Variants in YEATS2 observed in about 807,000 individuals in gnomAD.
The protein encoded by YEATS2 is YEATS domain containing 2, also known as YEATS domain-containing protein 2.
A neutral mutation model predicts 163.2 loss-of-function variants in YEATS2; 77 were observed. The observed-to-expected ratio is 0.47, with a 90% CI of 0.39 to 0.57. The LOEUF is 0.57. YEATS2 is among the 20% of genes least tolerant of loss of function. The pLI is 0.00. For missense variants in YEATS2, 1,549 were observed against 1,729.8 expected (o/e 0.90, Z 1.85); for synonymous variants, 631 against 645.1 (o/e 0.98, Z 0.33).
Position 183,754,156 on chromosome 3 carries a change from A to T in YEATS2, c.1181A>T (p.His394Leu). The change falls in exon 11 of 31, where the codon CAC (histidine) becomes CTC (leucine). Residue 394 changes from histidine to leucine, a missense_variant. His to Leu is a moderately conservative substitution (Grantham distance 99, BLOSUM62 -3). Transcript: ENST00000305135. ...CCAGCTAGCACTGAAGCTGAACGACACACTCCGTTTTATGCTTTGCCATCT... is the reference window on the plus strand; with the variant it reads ...CCAGCTAGCACTGAAGCTGAACGACTCACTCCGTTTTATGCTTTGCCATCT... ...GFPASTEAERHTPFYALPSSL... is the reference protein window; with the variant it reads ...GFPASTEAERLTPFYALPSSL... 6.2e-7 allele frequency: 1 copy of T among 1,601,176 alleles called. No homozygotes were observed. The highest frequency in any genetic ancestry group is 8.5e-7 in the Non-Finnish European group (1 of 1,169,812).
intron 6 of YEATS2, among the ~76,000 whole-genome samples, chr3:183,724,889 A>G (rs1167424060): frequency 1.3e-5 from 2 of 152,034 alleles, no homozygotes; most frequent in African/African-American, 4.8e-5. Context: ...GATTGCAGGC[A>G]TATGCCACCA....
chr3:183,797,250 C>A (rs1214352869), intron 21 of YEATS2, among the ~76,000 whole-genome samples: 1 of 126,170 alleles, frequency 7.9e-6, no homozygotes, highest in Non-Finnish European at 1.6e-5. Flanking sequence ...GCCTGGGTGA[C>A]AGAGCGAGAT....
At chr3:183,710,053 G>A (rs989823513) in intron 1 of YEATS2, among the ~76,000 whole-genome samples, 2 of 152,126 alleles carry the variant, frequency 1.3e-5, no homozygotes, top group African/African-American at 2.4e-5. Context: ...ATTTATTTCC[G>A]TATTCAGTTT....
chr3:183,702,689 A>T (rs1189229185), intron 1 of YEATS2, among the ~76,000 whole-genome samples: 1 of 151,450 alleles, frequency 6.6e-6, no homozygotes, highest in Non-Finnish European at 1.5e-5. Flanking sequence ...ATACAAAAAA[A>T]TTAGACGTGG....
chr3:183,774,765 A>AGT (rs1722802192), intron 17 of YEATS2, among the ~76,000 whole-genome samples: 1 of 152,234 alleles, frequency 6.6e-6, no homozygotes, highest in African/African-American at 2.4e-5. Flanking sequence ...GCCAAAATGC[A>AGT]GTGTGTCAGC....
intron 20 of YEATS2, among the ~76,000 whole-genome samples, chr3:183,786,858 A>G (rs1724115451): frequency 6.6e-6 from 1 of 152,218 alleles, no homozygotes; most frequent in African/African-American, 2.4e-5. Context: ...GTTGTGAATA[A>G]TGCTGCAGTG....
intron 9 of YEATS2, among the ~76,000 whole-genome samples, chr3:183,750,988 T>TG (rs1720102915): frequency 6.6e-6 from 1 of 152,236 alleles, no homozygotes; most frequent in African/African-American, 2.4e-5. Context: ...TTTTGTTGCC[T>TG]GTGCTTTTGG....
intron 13 of YEATS2, among the ~76,000 whole-genome samples, chr3:183,760,400 C>T (rs1404944604): frequency 4.2e-5 from 6 of 143,472 alleles, no homozygotes; most frequent in Non-Finnish European, 9.0e-5. Context: ...TGGCTCACTG[C>T]AACCTCCTGC....
At chr3:183,775,507 A>C (rs1340216438) in intron 17 of YEATS2, among the ~76,000 whole-genome samples, 1 of 152,208 alleles carries the variant, frequency 6.6e-6, no homozygotes, top group East Asian at 1.9e-4. Flanking sequence ...AGGCAGGAGA[A>C]TCGCTTGAAC....
chr3:183,761,656 T>G (rs1261480575), intron 14 of YEATS2, 42 bp downstream of exon 14: 1 of 1,580,556 alleles, frequency 6.3e-7, no homozygotes, highest in African/African-American at 1.3e-5. Context: ...TCATAATACT[T>G]TTTGTGGCAT....
intron 2 of YEATS2, 142 bp from the exon 3 acceptor site, chr3:183,717,508 TC>T: frequency 1.8e-6 from 1 of 558,002 alleles, no homozygotes; most frequent in Non-Finnish European, 3.1e-6. Flanking sequence ...TTTCAGTTTT[TC>T]ATCACTTGGT....
intron 21 of YEATS2, chr3:183,793,353 G>T (rs1460553889): frequency 1.3e-5 from 14 of 1,094,404 alleles, no homozygotes; most frequent in Non-Finnish European, 1.5e-5. Context: ...TTTTTCTCTT[G>T]ATTTCTACCT....
Position 183,777,676 on chromosome 3 carries a change from A to G in YEATS2, c.2712A>G (p.Gly904=). The G allele has an allele frequency of 6.2e-7, 1 of 1,614,218 alleles. No homozygotes were observed. Among genetic ancestry groups the G allele is most frequent in the East Asian group, 2.2e-5 (1 of 44,896 alleles). Residue 904 remains glycine (G), a synonymous_variant, in exon 19 of 31, where the codon GGA becomes GGG. Coordinates refer to ENST00000305135, the MANE Select transcript of YEATS2 (RefSeq NM_018023.5). ...AACAAACGCTAAAAGTCATCTCTGG[A>G]CAGAAAACCACATTGTTTACACAGG... ...QGQQTLKVIS[G]QKTTLFTQAA...
chr3:183,762,023 G>T, intron 14 of YEATS2, 74 bp from the exon 15 acceptor site: 1 of 1,584,372 alleles, frequency 6.3e-7, no homozygotes, highest in South Asian at 1.1e-5. Context: ...AAACGGAGAA[G>T]AGTCAGATAT....
chr3:183,741,568 G>A (rs1056877425), intron 8 of YEATS2, among the ~76,000 whole-genome samples: 26 of 151,892 alleles, frequency 1.7e-4, no homozygotes, highest in African/African-American at 6.0e-4. Context: ...GATCACTTGA[G>A]GCCAGGAGTT....
chr3:183,804,716 C>T (rs937069725), intron 27 of YEATS2, among the ~76,000 whole-genome samples: 2 of 151,422 alleles, frequency 1.3e-5, no homozygotes, highest in South Asian at 2.1e-4. Context: ...GGCCGGGCGC[C>T]GTGGCTCACG....
chr3:183,743,037 A>G (rs1009890569), intron 8 of YEATS2, among the ~76,000 whole-genome samples: 4 of 152,254 alleles, frequency 2.6e-5, no homozygotes, highest in African/African-American at 9.6e-5. Context: ...TACTTAATAG[A>G]TGACAGCATA....
At position 183,736,762 on chromosome 3, in the gene YEATS2, C is replaced by T. The variant is rs1421301284; in HGVS notation, c.857C>T (p.Pro286Leu). The change falls in exon 8 of 31, where the codon CCC (proline) becomes CTC (leucine). Residue 286 changes from proline (P) to leucine (L), a missense_variant. Coordinates refer to ENST00000305135, the MANE Select transcript of YEATS2 (RefSeq NM_018023.5). ...HLTRRGWGEF[P>L]VRVQVHFKDS... ...ACCAGAAGAGGCTGGGGTGAGTTTC[C>T]CGTCAGAGTTCAAGTTCATTTTAAG... The T allele has an allele frequency of 6.2e-7, 1 of 1,613,832 alleles. No homozygotes were observed. The highest frequency in any genetic ancestry group is 8.5e-7 in the Non-Finnish European group (1 of 1,179,902).
At chr3:183,793,609 C>CTTTTTTTTTTTTTTTT (rs35098553) in intron 21 of YEATS2, 1 of 109,382 alleles carries the variant, frequency 9.1e-6, no homozygotes, top group Non-Finnish European at 1.7e-5. Flanking sequence ...TTCTTTCTTT[C>CTTTTTTTTTTTTTTTT]TTTTTTTTTT....
Sources: allele counts gnomAD v4.1 joint callset (sites outside exome capture counted in the v4.1 genomes callset), GRCh38; gene constraint gnomAD v4.1.1; transcripts MANE v1.5; gene names NCBI Gene and HGNC (gene_info 2026-07-23, HGNC 2026-07-21).